CDK14: variants seen among roughly 807,000 people sequenced by gnomAD.
The protein encoded by CDK14 is cyclin dependent kinase 14, also known as cyclin-dependent kinase 14.
A neutral mutation model predicts 60.7 loss-of-function variants in CDK14; 34 were observed. The observed-to-expected ratio is 0.56, with a 90% confidence interval of 0.43 to 0.75. CDK14 has a LOEUF of 0.75. CDK14 is among the 30% of genes least tolerant of loss of function. The pLI is 0.00. For missense variants in CDK14, 482 were observed against 564.1 expected, an observed-to-expected ratio of 0.85 and a Z score of 1.47; for synonymous variants, 197 against 203.7, an observed-to-expected ratio of 0.97 and a Z score of 0.28.
chr7:91,015,227 G>A (rs1007125038), intron 10 of CDK14, among the ~76,000 whole-genome samples: 2 of 151,954 alleles, frequency 1.3e-5, no homozygotes, highest in Non-Finnish European at 2.9e-5. Flanking sequence ...ACTAATTAAG[G>A]TCATTCTTAT....
intron 5 of CDK14, among the ~76,000 whole-genome samples, 156 bp downstream of exon 5, chr7:90,790,808 G>A (rs1584895793): frequency 6.6e-6 from 1 of 152,136 alleles, no homozygotes; most frequent in Non-Finnish European, 1.5e-5. Flanking sequence ...AGTATCTCTT[G>A]CAGTCATGTC....
At chr7:91,023,741 G>A (rs1796494447) in intron 10 of CDK14, among the ~76,000 whole-genome samples, 1 of 152,080 alleles carries the variant, frequency 6.6e-6, no homozygotes, top group Non-Finnish European at 1.5e-5. Context: ...TAAAAGGAAA[G>A]TGGTTTTTTG....
At chr7:90,696,244 C>T (rs1266706897) in intron 2 of CDK14, among the ~76,000 whole-genome samples, 1 of 151,566 alleles carries the variant, frequency 6.6e-6, no homozygotes, top group Non-Finnish European at 1.5e-5. Flanking sequence ...TAAAGGTAGG[C>T]TCATATTGAG....
chr7:90,995,157 G>C (rs907713335), intron 10 of CDK14, among the ~76,000 whole-genome samples: 2 of 152,128 alleles, frequency 1.3e-5, no homozygotes, highest in African/African-American at 4.8e-5. Context: ...GAGACTAGGT[G>C]ACAAAATGAT....
chr7:90,834,508 G>T lies in CDK14; in HGVS notation c.545-28667G>T, dbSNP rs570944319. Among the ~76,000 whole-genome samples, 3 of 152,252 alleles carry T rather than the reference G, an allele frequency of 2.0e-5. No homozygotes were observed. The South Asian group carries it at 6.2e-4, about 32-fold the overall frequency. ...GTAATGGGAAGCCACTGGAGTAATTGGGAAGAAATTGGAGGTTTTGTTCGT... is the reference window on the plus strand; with the variant it reads ...GTAATGGGAAGCCACTGGAGTAATTTGGAAGAAATTGGAGGTTTTGTTCGT... On this transcript the variant is annotated intron_variant, in intron 5 of 14. Coordinates refer to ENST00000380050, the MANE Select transcript of CDK14 (RefSeq NM_001287135.2).
intron 10 of CDK14, among the ~76,000 whole-genome samples, chr7:90,998,876 G>A (rs1324745170): frequency 6.6e-6 from 1 of 151,458 alleles, no homozygotes; most frequent in Non-Finnish European, 1.5e-5. Context: ...GCGACAGAGT[G>A]AGCCTCCATC....
chr7:90,635,195 C>T (rs370710693), intron 2 of CDK14, among the ~76,000 whole-genome samples: 38 of 152,122 alleles, frequency 2.5e-4, no homozygotes, highest in East Asian at 1.2e-3. Flanking sequence ...GTTTTAGACA[C>T]GAAGTCCTTG....
intron 11 of CDK14, among the ~76,000 whole-genome samples, chr7:91,062,977 G>A (rs1562888811): frequency 6.6e-6 from 1 of 152,184 alleles, no homozygotes; most frequent in Non-Finnish European, 1.5e-5. Context: ...GGGCACAAAA[G>A]AGCAGACGTA....
chr7:91,011,910 G>A (rs1422192350), intron 10 of CDK14, among the ~76,000 whole-genome samples: 2 of 151,882 alleles, frequency 1.3e-5, no homozygotes, highest in East Asian at 3.9e-4. Context: ...TCATTTCTGG[G>A]TCACTTTGAT....
intron 11 of CDK14, among the ~76,000 whole-genome samples, chr7:91,063,733 A>G (rs1797879905): frequency 6.6e-6 from 1 of 152,196 alleles, no homozygotes; most frequent in South Asian, 2.1e-4. Flanking sequence ...TTGCCTCAAA[A>G]GGAGTAATGT....
intron 2 of CDK14, among the ~76,000 whole-genome samples, chr7:90,657,233 T>G (rs1290597730): frequency 6.6e-6 from 1 of 152,162 alleles, no homozygotes; most frequent in Non-Finnish European, 1.5e-5. Flanking sequence ...TTTGGGCTAT[T>G]GAATAGCCCA....
At chr7:90,875,095 A>G (rs964442642) in intron 6 of CDK14, among the ~76,000 whole-genome samples, 4 of 152,196 alleles carry the variant, frequency 2.6e-5, no homozygotes, top group East Asian at 3.9e-4. Flanking sequence ...TCTCATATAA[A>G]TGGAATCATA....
intron 2 of CDK14, among the ~76,000 whole-genome samples, chr7:90,633,651 G>T (rs932978031): frequency 6.6e-6 from 1 of 152,082 alleles, no homozygotes; most frequent in African/African-American, 2.4e-5. Context: ...TCTATCTTTT[G>T]TCTCTAAAAG....
At chr7:91,160,680 T>C (rs1276846216) in intron 14 of CDK14, among the ~76,000 whole-genome samples, 5 of 152,138 alleles carry the variant, frequency 3.3e-5, no homozygotes, top group African/African-American at 1.2e-4. Flanking sequence ...AAGATTTTCT[T>C]TCTCTGTTTC....
intron 11 of CDK14, among the ~76,000 whole-genome samples, chr7:91,071,256 G>A (rs1449608700): frequency 3.9e-5 from 6 of 152,206 alleles, no homozygotes; most frequent in African/African-American, 7.2e-5. Context: ...CAAGATGGCC[G>A]ACTAGAAGCA....
intron 5 of CDK14, among the ~76,000 whole-genome samples, chr7:90,807,572 A>G (rs565900044): frequency 2.6e-5 from 4 of 152,346 alleles, no homozygotes; most frequent in African/African-American, 9.6e-5. Context: ...TCCTCCTCCA[A>G]AGGAATGCAG....
In CDK14 at chr7:91,001,110, G is replaced by T. The variant is rs533400049; in HGVS notation, c.1041+16869G>T. Among the ~76,000 whole-genome samples the T allele has an allele frequency of 2.6e-5, 4 of 152,182 alleles. No individual in the cohort carries two copies. In the South Asian group the frequency reaches 8.3e-4, roughly 32 times the overall value. On this transcript the variant is annotated intron_variant, in intron 10 of 14. Coordinates refer to ENST00000380050, the MANE Select transcript of CDK14 (RefSeq NM_001287135.2). ...ACCTTTGTGCTCTGAAGCAGCTTTT[G>T]GTTAGAGATGCTTTCTTTTCTTTTG...
intron 2 of CDK14, chr7:90,716,384 A>G (rs1479074040): frequency 6.6e-6 from 1 of 152,088 alleles, no homozygotes; most frequent in East Asian, 1.9e-4. Flanking sequence ...AAAGCTACCA[A>G]ATAAACCCTA....
Position 90,899,385 on chromosome 7 carries a change from G to C in CDK14, c.702+32G>C, listed in dbSNP as rs142742845. 30 of 1,547,046 alleles carry C rather than the reference G, an allele frequency of 1.9e-5. 1 individual carries two copies. The South Asian group carries it at 3.4e-4, about 18-fold the overall frequency. ...AAAGATCTTTTTAAGCCAAAGGTTA[G>C]CATTCTTGATGTGTATTTTTTGAAC... On this transcript the variant is annotated intron_variant, in intron 7 of 14. Coordinates refer to ENST00000380050, the MANE Select transcript of CDK14 (RefSeq NM_001287135.2).
Sources: allele counts gnomAD v4.1 joint callset (sites outside exome capture counted in the v4.1 genomes callset), GRCh38; gene constraint gnomAD v4.1.1; transcripts MANE v1.5; gene names NCBI Gene and HGNC (gene_info 2026-07-23, HGNC 2026-07-21).